OXSR1: variants seen among roughly 807,000 people sequenced by gnomAD.
The protein encoded by OXSR1 is serine/threonine-protein kinase OSR1.
A neutral mutation model predicts 79.8 loss-of-function variants in OXSR1; 24 were observed. The ratio of observed to expected loss-of-function variants is 0.30; its 90% CI spans 0.22 to 0.42. The LOEUF (loss-of-function observed/expected upper bound fraction) is 0.42. OXSR1 is among the 10% of genes least tolerant of loss of function. The pLI is 1.00. For missense variants in OXSR1, 430 were observed against 618.4 expected, an observed-to-expected ratio of 0.70 and a Z score of 3.23; for synonymous variants, 226 against 209.2, an observed-to-expected ratio of 1.08 and a Z score of -0.69.
intron 1 of OXSR1, among the ~76,000 whole-genome samples, chr3:38,180,688 G>A (rs1421629337): frequency 6.6e-6 from 1 of 151,464 alleles, no homozygotes; most frequent in Non-Finnish European, 1.5e-5. Flanking sequence ...ACACCACCAC[G>A]CCCAGCTAAT....
chr3:38,185,104 A>G (rs1244396741), intron 2 of OXSR1, among the ~76,000 whole-genome samples: 3 of 150,848 alleles, frequency 2.0e-5, no homozygotes, highest in African/African-American at 7.3e-5. Flanking sequence ...CCTGGGCAAC[A>G]GAGTAAGACT....
chr3:38,168,710 A>G (rs773699727), intron 1 of OXSR1, among the ~76,000 whole-genome samples: 43 of 152,110 alleles, frequency 2.8e-4, no homozygotes, highest in Admixed American at 7.9e-4. Flanking sequence ...TCACAAATAT[A>G]CTTTCTGTCT....
Position 38,216,144 on chromosome 3 carries a change from G to C in OXSR1, c.483G>C (p.Gln161His). 6.4e-7 allele frequency: 1 copy of C among 1,571,872 alleles called. No homozygotes were observed. Among genetic ancestry groups the C allele is most frequent in the Non-Finnish European group, 8.7e-7 (1 of 1,147,164 alleles). Reference protein sequence around the residue: ...NILLGEDGSVQIADFGVSAFL... With the variant: ...NILLGEDGSVHIADFGVSAFL... ...TTCTTGGAGAAGATGGCTCAGTACAGATTGCAGGTAATGATTAGTATTTCT... is the reference window on the plus strand; with the variant it reads ...TTCTTGGAGAAGATGGCTCAGTACACATTGCAGGTAATGATTAGTATTTCT... The change falls in exon 5 of 18, where the codon CAG becomes CAC. Residue 161 changes from glutamine (Q) to histidine (H), a missense_variant. By Grantham distance (24) the Gln-to-His change is conservative. Coordinates refer to ENST00000311806, the MANE Select transcript of OXSR1 (RefSeq NM_005109.3).
At chr3:38,243,355 T>C (rs1435669766) in intron 12 of OXSR1, among the ~76,000 whole-genome samples, 1 of 152,184 alleles carries the variant, frequency 6.6e-6, no homozygotes. Context: ...TGCATTAATT[T>C]GTTTGCGAAT....
At chr3:38,179,549 G>T (rs955732323) in intron 1 of OXSR1, among the ~76,000 whole-genome samples, 4 of 152,142 alleles carry the variant, frequency 2.6e-5, no homozygotes, top group African/African-American at 9.7e-5. Context: ...TTACAGAGTT[G>T]TACAACCATC....
At chr3:38,198,955 C>A in intron 4 of OXSR1, 92 bp downstream of exon 4, 2 of 1,042,840 alleles carry the variant, frequency 1.9e-6, no homozygotes, top group Non-Finnish European at 2.9e-6. Flanking sequence ...GTTATCATAG[C>A]TCTTTGTATC....
chr3:38,222,933 A>G (rs1702617737), intron 6 of OXSR1, among the ~76,000 whole-genome samples: 1 of 152,202 alleles, frequency 6.6e-6, no homozygotes, highest in Non-Finnish European at 1.5e-5. Context: ...ATATGTTCAC[A>G]TAGAATTAAT....
intron 1 of OXSR1, among the ~76,000 whole-genome samples, chr3:38,175,686 T>A (rs1289703268): frequency 6.6e-6 from 1 of 152,242 alleles, no homozygotes; most frequent in Non-Finnish European, 1.5e-5. Context: ...CTTGGGCAGA[T>A]CCTTCTCTGT....
rs1457543748 is a variant in OXSR1, at chr3:38,165,597, C to A, written c.-280C>A. Reference sequence around the variant, plus strand: ...GAGGGGCTGGGCCCAGGCAAAGCTTCTGTCGCTGCTGCTGCGGAGGCCGAG... The same window carrying A: ...GAGGGGCTGGGCCCAGGCAAAGCTTATGTCGCTGCTGCTGCGGAGGCCGAG... On this transcript the variant is annotated 5_prime_UTR_variant, in exon 1 of 18. The change creates a new upstream start codon in the 5' untranslated region. Transcript: ENST00000311806. 3 of 424,722 alleles carry A rather than the reference C, an allele frequency of 7.1e-6. No homozygotes were observed. Among genetic ancestry groups the A allele is most frequent in the Admixed American group, 4.6e-5 (1 of 21,822 alleles). 26.3% of individuals were successfully genotyped at this position (424,722 alleles called of 1,614,324 possible).
chr3:38,168,418 T>C (rs1204276962), intron 1 of OXSR1, among the ~76,000 whole-genome samples: 1 of 152,228 alleles, frequency 6.6e-6, no homozygotes, highest in Non-Finnish European at 1.5e-5. Context: ...CTTGCCTTTT[T>C]TGGACATTTA....
chr3:38,186,851 G>A (rs919772843), intron 2 of OXSR1, among the ~76,000 whole-genome samples: 2 of 152,078 alleles, frequency 1.3e-5, no homozygotes, highest in Non-Finnish European at 2.9e-5. Flanking sequence ...GGGTAATATG[G>A]TAACTCTGTG....
intron 1 of OXSR1, among the ~76,000 whole-genome samples, chr3:38,169,325 A>G (rs1307736708): frequency 6.7e-6 from 1 of 149,892 alleles, no homozygotes; most frequent in African/African-American, 2.5e-5. Context: ...GTTTGTTTTG[A>G]GATGGAGTCT....
chr3:38,190,899 CCTT>C, intron 3 of OXSR1, 60 bp downstream of exon 3: 3 of 910,260 alleles, frequency 3.3e-6, no homozygotes, highest in Non-Finnish European at 5.4e-6. Flanking sequence ...GTAAAAGTTT[CCTT>C]CTTTTCTATC....
At chr3:38,208,921 A>T (rs756392275) in intron 4 of OXSR1, among the ~76,000 whole-genome samples, 36 of 152,072 alleles carry the variant, frequency 2.4e-4, no homozygotes, top group Non-Finnish European at 4.1e-4. Context: ...AAATAAAAAT[A>T]AAAAAATGCT....
chr3:38,219,848 C>T (rs559891478), intron 5 of OXSR1, among the ~76,000 whole-genome samples: 21 of 152,154 alleles, frequency 1.4e-4, no homozygotes, highest in African/African-American at 4.8e-4. Flanking sequence ...TGCTCTGTCA[C>T]CCAGGCCAGA....
chr3:38,206,842 A>T (rs1266987732), intron 4 of OXSR1, among the ~76,000 whole-genome samples: 1 of 152,222 alleles, frequency 6.6e-6, no homozygotes, highest in African/African-American at 2.4e-5. Context: ...GACTGCCTAG[A>T]TTCAGATCCC....
chr3:38,193,487 T>C, intron 3 of OXSR1: 1 of 993,136 alleles, frequency 1.0e-6, no homozygotes, highest in Non-Finnish European at 1.4e-6. Flanking sequence ...TACGAGAATA[T>C]GTAATACAAC....
chr3:38,242,603 T>G, intron 11 of OXSR1, 140 bp from the exon 12 acceptor site: 1 of 478,804 alleles, frequency 2.1e-6, no homozygotes, highest in Non-Finnish European at 3.8e-6. Context: ...CAGAAAACTT[T>G]CAGTAGACTT....
In OXSR1 at chr3:38,198,804, G is replaced by A. The variant is rs759341067; in HGVS notation, c.375G>A (p.Thr125=). 6.2e-6 allele frequency: 10 copies of A among 1,613,170 alleles called. No individual in the cohort carries two copies. Among genetic ancestry groups the A allele is most frequent in the Admixed American group, 5.0e-5 (3 of 59,998 alleles). Residue 125 remains threonine, a synonymous_variant, in exon 4 of 18, where the codon ACG becomes ACA. Transcript: ENST00000311806. The part of the protein sequence containing the change: ...SGVLDESTIA[T]ILREVLEGLE... ...TCCTAGATGAATCTACCATTGCTACGATACTCCGAGAAGTACTGGAAGGGC... is the reference window on the plus strand; with the variant it reads ...TCCTAGATGAATCTACCATTGCTACAATACTCCGAGAAGTACTGGAAGGGC...
Sources: allele counts gnomAD v4.1 joint callset (sites outside exome capture counted in the v4.1 genomes callset), GRCh38; gene constraint gnomAD v4.1.1; transcripts MANE v1.5; gene names NCBI Gene and HGNC (gene_info 2026-07-23, HGNC 2026-07-21).